CCND2: variants seen among roughly 807,000 people sequenced by gnomAD.
CCND2 encodes the protein cyclin D2.
Under a neutral mutation model 30.2 loss-of-function variants are expected in CCND2, and 6 were observed. That is an observed-to-expected ratio of 0.20 (90% CI 0.11 to 0.39). The LOEUF (loss-of-function observed/expected upper bound fraction) is 0.39, where lower values mean the gene tolerates loss of function less well. CCND2 is among the 10% of genes least tolerant of loss of function. CCND2 has a pLI of 1.00. For synonymous variants in CCND2, 150 were observed against 153.1 expected, an observed-to-expected ratio of 0.98 and a Z score of 0.15; for missense variants, 235 against 373.4, an observed-to-expected ratio of 0.63 and a Z score of 3.06.
rs766225061 is a variant in CCND2 at position 4,288,936 on chromosome 12, G to A, written c.666G>A (p.Ser222=). The A allele has an allele frequency of 1.2e-6, 2 of 1,613,822 alleles. No individual in the cohort carries two copies. Among genetic ancestry groups the A allele is most frequent in the Admixed American group, 3.3e-5 (2 of 59,992 alleles). Residue 222 remains serine, a synonymous_variant, in exon 4 of 5, where the codon TCG becomes TCA. Transcript: ENST00000261254. ...CGLQQDEEVS[S]LTCDALTELL... ...TCCAGCAGGATGAGGAAGTGAGCTC[G>A]CTCACTTGTGATGCCCTGACTGAGC...
In CCND2 at chr12:4,297,940, G is replaced by A. The variant is rs561086229; in HGVS notation, c.721-1920G>A. On this transcript the variant is annotated intron_variant, in intron 4 of 4. Transcript: ENST00000261254. ...GTTCAGCACTCTTCCCAGACACACA[G>A]TCTTGACTAAAGATTGTCAGGATCT... The A allele has an allele frequency of 7.4e-4, 234 of 318,214 alleles. 2 individuals are homozygous for A. The highest frequency in any genetic ancestry group is 5.5e-3 in the South Asian group (230 of 41,792). 19.7% of individuals were successfully genotyped at this position (318,214 alleles called of 1,614,324 possible). A position where few individuals can be genotyped will look rare whatever the true frequency, so the allele number is the denominator to read the frequency against.
At chr12:4,284,488 T>C (rs1792405400) in intron 3 of CCND2, among the ~76,000 whole-genome samples, 1 of 152,214 alleles carries the variant, frequency 6.6e-6, no homozygotes, top group African/African-American at 2.4e-5. Context: ...CTGTTGCCCA[T>C]GGCAAGGCGT....
rs3217895 is a variant in CCND2, at chr12:4,294,927, G to A, written c.721-4933G>A. 4.4e-3 allele frequency among the ~76,000 whole-genome samples: 669 copies of A among 152,312 alleles called. 4 individuals carry two copies. Among genetic ancestry groups the A allele is most frequent in the African/African-American group, 0.016 (644 of 41,546 alleles). On this transcript the variant is annotated intron_variant, in intron 4 of 4. Coordinates refer to ENST00000261254, the MANE Select transcript of CCND2 (RefSeq NM_001759.4). ...GAGGTCTTCCTCTCTCCAGGTGGCTGCCCTCATCTCTACCCCCACCCCAAT... is the reference window on the plus strand; with the variant it reads ...GAGGTCTTCCTCTCTCCAGGTGGCTACCCTCATCTCTACCCCCACCCCAAT...
chr12:4,289,143 C>G (rs1393154844), intron 4 of CCND2, 153 bp downstream of exon 4: 3 of 551,702 alleles, frequency 5.4e-6, no homozygotes, highest in Non-Finnish European at 5.8e-6. Context: ...GCAGGTGACA[C>G]CCCCTCTTAA....
intron 4 of CCND2, 75 bp downstream of exon 4, chr12:4,289,065 T>C: frequency 7.1e-7 from 1 of 1,404,216 alleles, no homozygotes; most frequent in Non-Finnish European, 9.6e-7. Context: ...CGGATTTGAT[T>C]ATGTTGTGTC....
chr12:4,297,598 C>CAGAAAAGAAA (rs1435049954), intron 4 of CCND2, among the ~76,000 whole-genome samples: 1 of 115,476 alleles, frequency 8.7e-6, no homozygotes, highest in African/African-American at 3.1e-5. Flanking sequence ...AAAAAAAAAA[C>CAGAAAAGAAA]AGAAAAGAAA....
At chr12:4,277,034 G>GC (rs1437388617) in intron 2 of CCND2, among the ~76,000 whole-genome samples, 3 of 152,202 alleles carry the variant, frequency 2.0e-5, no homozygotes, top group African/African-American at 7.2e-5. Flanking sequence ...CACTGGTAGG[G>GC]CCCGCACAAA....
intron 3 of CCND2, among the ~76,000 whole-genome samples, chr12:4,281,080 G>A (rs995789370): frequency 6.6e-6 from 1 of 152,138 alleles, no homozygotes; most frequent in Non-Finnish European, 1.5e-5. Context: ...TGTGTTTTGG[G>A]GGCCTTGAAC....
intron 3 of CCND2, among the ~76,000 whole-genome samples, chr12:4,281,525 A>G (rs114672302): frequency 6.6e-6 from 1 of 151,928 alleles, no homozygotes; most frequent in African/African-American, 2.4e-5. Flanking sequence ...CTGCTCCTCA[A>G]ATCGCACACT....
At chr12:4,286,735 C>T (rs1234460486) in intron 3 of CCND2, among the ~76,000 whole-genome samples, 1 of 152,228 alleles carries the variant, frequency 6.6e-6, no homozygotes, top group Non-Finnish European at 1.5e-5. Flanking sequence ...ACCTGTTCCC[C>T]CTATGCCTGC....
intron 4 of CCND2, among the ~76,000 whole-genome samples, chr12:4,291,823 T>C (rs1213769660): frequency 1.3e-5 from 2 of 152,090 alleles, no homozygotes; most frequent in East Asian, 3.8e-4. Context: ...ACCTTGAAAA[T>C]ACTATGTTAA....
At chr12:4,284,730 T>C (rs534080531) in intron 3 of CCND2, among the ~76,000 whole-genome samples, 1 of 143,784 alleles carries the variant, frequency 7.0e-6, no homozygotes, top group Non-Finnish European at 1.5e-5. Flanking sequence ...TCTTTTTTTT[T>C]TTCTTTTCTT....
chr12:4,298,000 A>T (rs74612037), intron 4 of CCND2: 1 of 255,368 alleles, frequency 3.9e-6, no homozygotes, highest in Non-Finnish European at 8.4e-6. Context: ...CTAAATGCGA[A>T]TCTATACCTC....
intron 3 of CCND2, among the ~76,000 whole-genome samples, chr12:4,286,023 T>C (rs778140007): frequency 1.3e-5 from 2 of 152,216 alleles, no homozygotes; most frequent in Non-Finnish European, 2.9e-5. Context: ...AGTAGACCTG[T>C]AAGGCACCTG....
chr12:4,286,986 C>T (rs1292953234), intron 3 of CCND2, among the ~76,000 whole-genome samples: 2 of 152,102 alleles, frequency 1.3e-5, no homozygotes, highest in South Asian at 2.1e-4. Flanking sequence ...GGGGAGCTAA[C>T]GAGGTTATTG....
Position 4,287,477 on chromosome 12 carries a change from C to T in CCND2, c.572-1365C>T, listed in dbSNP as rs567431549. 3.3e-5 allele frequency among the ~76,000 whole-genome samples: 5 copies of T among 152,268 alleles called. No individual in the cohort carries two copies. The highest frequency in any genetic ancestry group is 4.1e-4 in the South Asian group (2 of 4,828). ...CTGTATGCTGTGTCTCCTGCCCCCA[C>T]GTGCCCCTTCCATGTCTACACACAG... On this transcript the variant is annotated intron_variant, in intron 3 of 4. Transcript: ENST00000261254. The surrounding 1 kb of genome is among the most constrained non-coding windows in gnomAD (Gnocchi z 4.0).
intron 3 of CCND2, among the ~76,000 whole-genome samples, chr12:4,279,566 C>G (rs940613553): frequency 6.6e-6 from 1 of 152,066 alleles, no homozygotes; most frequent in Admixed American, 6.5e-5. Context: ...TGATTTTGGC[C>G]GCAGCCTTTA....
intron 4 of CCND2, chr12:4,297,981 T>C: frequency 3.7e-6 from 1 of 273,406 alleles, no homozygotes; most frequent in Non-Finnish European, 7.8e-6. Context: ...CACGCTTCAT[T>C]AGTCTTGACT....
At chr12:4,297,495 C>T (rs930933030) in intron 4 of CCND2, among the ~76,000 whole-genome samples, 9 of 143,514 alleles carry the variant, frequency 6.3e-5, no homozygotes, top group African/African-American at 1.3e-4. Flanking sequence ...TGCTTGAACC[C>T]GAGAGGTGGA....
Sources: gnomAD v4.1 joint callset for allele counts (sites outside exome capture counted in the v4.1 genomes callset) on GRCh38, gnomAD v4.1.1 for gene constraint, Gnocchi (gnomAD v3.1) non-coding constraint, MANE v1.5 for transcripts, NCBI Gene and HGNC (gene_info 2026-07-23, HGNC 2026-07-21) for gene names.